Variants in ARMC2 observed in about 807,000 individuals in gnomAD.
The protein encoded by ARMC2 is armadillo repeat-containing protein 2.
ARMC2 carries 67 observed loss-of-function variants against 90.3 expected under a neutral mutation model. The observed-to-expected ratio is 0.74, with a 90% CI of 0.61 to 0.91. The LOEUF is 0.91. Ranked by LOEUF, ARMC2 falls within the 40% of genes least tolerant of loss-of-function variation. The pLI is 0.00. For synonymous variants in ARMC2, 393 were observed against 393.0 expected, an observed-to-expected ratio of 1.00 and a Z score of 0.00; for missense variants, 920 against 1,030.9, an observed-to-expected ratio of 0.89 and a Z score of 1.47.
chr6:109,032,532 C>T, the ARMC2 span, among the ~76,000 whole-genome samples: 7 of 151,376 alleles, frequency 4.6e-5, no homozygotes, highest in Non-Finnish European at 7.4e-5. Flanking sequence ...GCAGGAGAAT[C>T]GCTTGAACCC....
chr6:108,894,477 A>C lies in ARMC2; in HGVS notation c.682A>C (p.Lys228Gln), dbSNP rs778535144. 6.2e-7 allele frequency: 1 copy of C among 1,610,472 alleles called. No homozygotes were observed. Among genetic ancestry groups the C allele is most frequent in the Non-Finnish European group, 8.5e-7 (1 of 1,178,600 alleles). Residue 228 changes from lysine (K) to glutamine (Q), a missense_variant, in exon 6 of 18, where the codon AAG becomes CAG. Transcript: ENST00000392644. The part of the protein sequence containing the change: ...SHLKNGGDQG[K>Q]RHARASSCPS... ...ATGTATTCCTCCTAGGGACCAGGGGAAGAGACATGCGAGGGCCTCATCATG... is the reference window on the plus strand; with the variant it reads ...ATGTATTCCTCCTAGGGACCAGGGGCAGAGACATGCGAGGGCCTCATCATG...
chr6:108,892,602 A>G (rs1463310136), intron 5 of ARMC2, among the ~76,000 whole-genome samples: 1 of 151,998 alleles, frequency 6.6e-6, no homozygotes, highest in Non-Finnish European at 1.5e-5. Context: ...TCTACTAAAA[A>G]TACAAAATTA....
At chr6:108,957,716 G>A (rs1210398506) in intron 13 of ARMC2, among the ~76,000 whole-genome samples, 1 of 152,104 alleles carries the variant, frequency 6.6e-6, no homozygotes, top group Non-Finnish European at 1.5e-5. Flanking sequence ...CATTGCAGAG[G>A]GTCTTTTAAA....
At chr6:109,035,434 G>A in the ARMC2 span, among the ~76,000 whole-genome samples, 7 of 152,100 alleles carry the variant, frequency 4.6e-5, no homozygotes, top group African/African-American at 9.6e-5. Context: ...ATAAAAGGTC[G>A]GGAGAAAGCT....
chr6:109,041,693 T>C, the ARMC2 span, among the ~76,000 whole-genome samples: 2 of 150,694 alleles, frequency 1.3e-5, no homozygotes, highest in African/African-American at 4.9e-5. Flanking sequence ...AGCTGTAAAA[T>C]ATATGAAGGA....
chr6:108,880,959 G>A (rs940370719), intron 5 of ARMC2, among the ~76,000 whole-genome samples: 1 of 151,694 alleles, frequency 6.6e-6, no homozygotes, highest in African/African-American at 2.4e-5. Flanking sequence ...TGGTTCAAGC[G>A]ATTCTCCTGC....
chr6:108,979,248 A>G (rs751880791), downstream of ARMC2, among the ~76,000 whole-genome samples: 2 of 152,158 alleles, frequency 1.3e-5, no homozygotes, highest in African/African-American at 4.8e-5. Flanking sequence ...TCCTTCACCT[A>G]TGAAGCTCAG....
the ARMC2 span, among the ~76,000 whole-genome samples, chr6:109,036,152 A>G: frequency 1.3e-5 from 2 of 152,134 alleles, no homozygotes; most frequent in African/African-American, 4.8e-5. Flanking sequence ...AGTCATCAGA[A>G]TGGGGAGGGA....
intron 5 of ARMC2, chr6:108,880,380 T>G: frequency 5.9e-6 from 1 of 169,194 alleles, no homozygotes; most frequent in East Asian, 1.7e-4. Flanking sequence ...GGGCACATGA[T>G]CCAAGCCAGG....
At chr6:108,864,545 C>A (rs990437481) in intron 3 of ARMC2, among the ~76,000 whole-genome samples, 1 of 152,168 alleles carries the variant, frequency 6.6e-6, no homozygotes, top group African/African-American at 2.4e-5. Context: ...CCACGCCTGG[C>A]GGCTTGCGAG....
the ARMC2 span, chr6:108,992,922 G>A: frequency 2.0e-6 from 3 of 1,504,142 alleles, no homozygotes; most frequent in Non-Finnish European, 9.2e-7. Context: ...GCCATTGAAA[G>A]GTTTTTAAAA....
chr6:108,960,183 C>T (rs974300882), intron 13 of ARMC2, among the ~76,000 whole-genome samples: 1 of 152,150 alleles, frequency 6.6e-6, no homozygotes, highest in African/African-American at 2.4e-5. Context: ...ACAATGTGGT[C>T]AACATCTACC....
At chr6:108,874,012 G>A (rs2768539) in intron 4 of ARMC2, among the ~76,000 whole-genome samples, 116,894 of 152,188 alleles carry the variant, frequency 0.77, 45,382 homozygotes, top group South Asian at 0.85. Flanking sequence ...AAATATTTGT[G>A]AACCTGAACT....
chr6:108,882,813 G>T (rs2768536), intron 5 of ARMC2, among the ~76,000 whole-genome samples: 11 of 151,984 alleles, frequency 7.2e-5, no homozygotes, highest in African/African-American at 2.2e-4. Flanking sequence ...AGTCCTTTGC[G>T]TATATTAAGT....
intron 12 of ARMC2, among the ~76,000 whole-genome samples, chr6:108,946,171 C>T (rs1427135735): frequency 6.6e-6 from 1 of 152,196 alleles, no homozygotes; most frequent in African/African-American, 2.4e-5. Flanking sequence ...AGCACGGAAC[C>T]CAAATGCCTG....
the ARMC2 span, among the ~76,000 whole-genome samples, chr6:109,013,100 GAAAA>G: frequency 2.3e-5 from 3 of 129,394 alleles, no homozygotes; most frequent in Non-Finnish European, 5.2e-5. Flanking sequence ...TGGCAACAGG[GAAAA>G]AAAAAAAAAG....
At position 108,912,404 on chromosome 6, in the gene ARMC2, G is replaced by T; in HGVS notation, c.1196G>T (p.Gly399Val). ...ATGGAAGCTTTTTTATACTGTATGG[G>T]GTCTATAAAGTTCATTTCTGGAAAT... Reference protein sequence around the residue: ...TNMEAFLYCMGSIKFISGNLG... With the variant: ...TNMEAFLYCMVSIKFISGNLG... Residue 399 changes from glycine to valine, a missense_variant, in exon 10 of 18, where the codon GGG becomes GTG. Coordinates refer to ENST00000392644, the MANE Select transcript of ARMC2 (RefSeq NM_032131.6). The T allele has an allele frequency of 1.9e-6, 3 of 1,613,614 alleles. No homozygotes were observed. The highest frequency in any genetic ancestry group is 2.2e-5 in the East Asian group (1 of 44,854).
the ARMC2 span, chr6:109,009,044 C>A: frequency 1.0e-6 from 1 of 980,866 alleles, no homozygotes. Flanking sequence ...GTCCAGACGA[C>A]AATGTTATTT....
At position 108,928,098 on chromosome 6, in the gene ARMC2, C is replaced by A; in HGVS notation, c.1361C>A (p.Thr454Lys). 1 of 1,603,634 alleles carries A rather than the reference C, an allele frequency of 6.2e-7. No individual in the cohort carries two copies. Among genetic ancestry groups the A allele is most frequent in the Non-Finnish European group, 8.5e-7 (1 of 1,176,926 alleles). ...ATGCTTTTATCCTAGGTGACTGCTA[C>A]ATTGAGAAACTTGGTTGATTCATCA... is the stretch of plus-strand genomic sequence containing the variant. ...SGHLLVQVTA[T>K]LRNLVDSSLV... Residue 454 changes from threonine (T) to lysine (K), a missense_variant, in exon 11 of 18, where the codon ACA becomes AAA. Transcript: ENST00000392644.
Sources: allele counts gnomAD v4.1 joint callset (sites outside exome capture counted in the v4.1 genomes callset), GRCh38; gene constraint gnomAD v4.1.1; transcripts MANE v1.5; gene names NCBI Gene and HGNC (gene_info 2026-07-23, HGNC 2026-07-21).